HEATR4: variants seen among roughly 807,000 people sequenced by gnomAD.
The protein encoded by HEATR4 is HEAT repeat-containing protein 4.
Under a neutral mutation model 108.8 loss-of-function variants are expected in HEATR4, and 95 were observed. The observed-to-expected ratio is 0.87, with a 90% confidence interval of 0.74 to 1.04. HEATR4 has a LOEUF of 1.04. HEATR4 is among the 50% of genes least tolerant of loss of function. The pLI is 0.00. For missense variants in HEATR4, 1,152 were observed against 1,253.8 expected (o/e 0.92, Z 1.23); for synonymous variants, 443 against 459.4 (o/e 0.96, Z 0.46).
chr14:73,562,322 C>T (rs1225199492), upstream of HEATR4, among the ~76,000 whole-genome samples: 1 of 152,080 alleles, frequency 6.6e-6, no homozygotes, highest in African/African-American at 2.4e-5. Flanking sequence ...TTATGCCTGT[C>T]TTTAATATCT....
chr14:73,600,970 A>T, the HEATR4 span, among the ~76,000 whole-genome samples: 1 of 151,428 alleles, frequency 6.6e-6, no homozygotes, highest in Non-Finnish European at 1.5e-5. Context: ...GCGAAACCCC[A>T]TCTCTACTAA....
At chr14:73,501,420 C>T (rs1020860587) in intron 11 of HEATR4, among the ~76,000 whole-genome samples, 4 of 151,284 alleles carry the variant, frequency 2.6e-5, no homozygotes, top group Admixed American at 1.3e-4. Context: ...CCACCGCGCC[C>T]GGCCTTAAAT....
In HEATR4 at chr14:73,495,316, C is replaced by T. The variant is rs745707689; in HGVS notation, c.2697G>A (p.Val899=). ...ILKLEMVMGK[V]REEAKRVYLK... ...AGTAAACACGTTTTGCTTCCTCCCT[C>T]ACTTTTCCCATGACCATCTCCAGCT... The change falls in exon 16 of 18, where the codon GTG becomes GTA. Residue 899 remains valine (V), a synonymous_variant. Coordinates refer to ENST00000553558, the MANE Select transcript of HEATR4 (RefSeq NM_001220484.1). The T allele has an allele frequency of 1.6e-5, 26 of 1,613,890 alleles. No homozygotes were observed. Among genetic ancestry groups the T allele is most frequent in the African/African-American group, 1.6e-4 (12 of 74,916 alleles).
At chr14:73,547,311 G>A in intron 1 of HEATR4, among the ~76,000 whole-genome samples, 1 of 116,016 alleles carries the variant, frequency 8.6e-6, no homozygotes, top group Non-Finnish European at 1.9e-5. Flanking sequence ...AAACCGGAAG[G>A]CGGAGGTTGC....
the HEATR4 span, chr14:73,595,897 G>A: frequency 2.7e-6 from 1 of 369,122 alleles, no homozygotes; most frequent in Non-Finnish European, 4.7e-6. Flanking sequence ...TAACATTTGT[G>A]TTTCCTTCTA....
At chr14:73,592,217 C>T in the HEATR4 span, 4 of 1,612,830 alleles carry the variant, frequency 2.5e-6, no homozygotes, top group Non-Finnish European at 3.4e-6. Context: ...CCCTGGAACC[C>T]GAGAAGCCTT....
At chr14:73,576,859 T>A in the HEATR4 span, among the ~76,000 whole-genome samples, 1 of 121,892 alleles carries the variant, frequency 8.2e-6, no homozygotes, top group Non-Finnish European at 1.7e-5. Flanking sequence ...AGTTCCACAA[T>A]AAACTTGTTT....
intron 17 of HEATR4, among the ~76,000 whole-genome samples, chr14:73,489,865 G>A (rs907346747): frequency 6.6e-6 from 1 of 152,212 alleles, no homozygotes; most frequent in Admixed American, 6.5e-5. Flanking sequence ...AGAAAAGAGG[G>A]AGAGAAGTTA....
At chr14:73,571,950 G>T in the HEATR4 span, among the ~76,000 whole-genome samples, 1 of 151,454 alleles carries the variant, frequency 6.6e-6, no homozygotes, top group Non-Finnish European at 1.5e-5. Flanking sequence ...AATAATCAAA[G>T]AAATGCAAAA....
At chr14:73,499,766 C>T (rs115299232) in intron 12 of HEATR4, among the ~76,000 whole-genome samples, 213 of 152,188 alleles carry the variant, frequency 1.4e-3, no homozygotes, top group African/African-American at 4.9e-3. Flanking sequence ...ATCCTAAAGC[C>T]CATCAGCACC....
chr14:73,623,339 T>C, the HEATR4 span, among the ~76,000 whole-genome samples: 3 of 152,282 alleles, frequency 2.0e-5, no homozygotes, highest in Non-Finnish European at 4.4e-5. Context: ...TTACGTGATA[T>C]AAAGGGTAGT....
chr14:73,500,081 T>A (rs1344666046), intron 12 of HEATR4, among the ~76,000 whole-genome samples: 2 of 151,960 alleles, frequency 1.3e-5, no homozygotes, highest in Non-Finnish European at 2.9e-5. Context: ...CACAAAAAAA[T>A]TAGCCAGGTG....
rs1225297209 is a variant in HEATR4, at chr14:73,535,651, GT to G, written c.-151-5408del. On this transcript the variant is annotated intron_variant, in intron 1 of 17. Transcript: ENST00000553558. The stretch of plus-strand genomic sequence containing the variant: ...GCCCGGCGAATTTTTTGTATTTTTG[GT>G]TTTTTTTTAGTAGAGACGGAGTTTC... 8.3e-5 allele frequency among the ~76,000 whole-genome samples: 9 copies of G among 108,614 alleles called. 1 individual carries two copies. Among genetic ancestry groups the G allele is most frequent in the African/African-American group, 1.8e-4 (6 of 33,852 alleles). The allele number at this position is 108,614 out of a possible 152,430, so 71.3% of individuals were successfully genotyped here.
intron 17 of HEATR4, among the ~76,000 whole-genome samples, chr14:73,482,970 G>A (rs758030214): frequency 2.0e-5 from 3 of 152,038 alleles, no homozygotes; most frequent in Non-Finnish European, 4.4e-5. Flanking sequence ...CAGAGTAAAC[G>A]TTAATGTATG....
At position 73,537,769 on chromosome 14, in the gene HEATR4, C is replaced by T. The variant is rs1407204670; in HGVS notation, c.-151-7525G>A. ...TGCTGGATGGCCACGACCCCGACCC[C>T]GGGCGGCTGCTGTGCCGGGTGCGGC... is the stretch of plus-strand genomic sequence containing the variant. On this transcript the variant is annotated intron_variant, in intron 1 of 17. Transcript: ENST00000553558. 13 of 1,235,086 alleles carry T rather than the reference C, an allele frequency of 1.1e-5. 5 individuals carry two copies. The highest frequency in any genetic ancestry group is 1.4e-5 in the Non-Finnish European group (13 of 934,510). 76.5% of individuals were successfully genotyped at this position (1,235,086 alleles called of 1,614,324 possible).
At position 73,495,049 on chromosome 14, in the gene HEATR4, GAAAC is replaced by G. The variant is rs1027061983; in HGVS notation, c.2785+175_2785+178del. ...AGAAAATAAATGAATAAAAACCCGA[GAAAC>G]AAACAAACAAAAAAAAAACACAAAG... On this transcript the variant is annotated intron_variant, in intron 16 of 17. Transcript: ENST00000553558. Among the ~76,000 whole-genome samples the G allele has an allele frequency of 3.2e-3, 325 of 100,510 alleles. 2 individuals carry two copies. Among genetic ancestry groups the G allele is most frequent in the African/African-American group, 0.012 (315 of 26,522 alleles). The allele number at this position is 100,510 out of a possible 152,430, so 65.9% of individuals were successfully genotyped here. A position where few individuals can be genotyped will look rare whatever the true frequency, so the allele number is the denominator to read the frequency against.
At chr14:73,499,789 A>T (rs1243718920) in intron 12 of HEATR4, among the ~76,000 whole-genome samples, 1 of 152,188 alleles carries the variant, frequency 6.6e-6, no homozygotes, top group African/African-American at 2.4e-5. Flanking sequence ...GGTAATGAGA[A>T]GCTAGTTAAC....
chr14:73,502,153 C>G (rs1282113162), intron 11 of HEATR4, among the ~76,000 whole-genome samples: 1 of 151,290 alleles, frequency 6.6e-6, no homozygotes, highest in Non-Finnish European at 1.5e-5. Context: ...TTCAGAGTCT[C>G]AAAGTATTGG....
chr14:73,540,231 C>G (rs186933788), intron 1 of HEATR4, among the ~76,000 whole-genome samples: 1 of 151,348 alleles, frequency 6.6e-6, no homozygotes, highest in Admixed American at 6.6e-5. Context: ...TACATGTGCA[C>G]CAGGAGGCAT....
Sources: gnomAD v4.1 joint callset for allele counts (sites outside exome capture counted in the v4.1 genomes callset) on GRCh38, gnomAD v4.1.1 for gene constraint, MANE v1.5 for transcripts, NCBI Gene and HGNC (gene_info 2026-07-23, HGNC 2026-07-21) for gene names.